CAMK1D: variants seen among roughly 807,000 people sequenced by gnomAD.
The protein encoded by CAMK1D is calcium/calmodulin dependent protein kinase ID, also known as calcium/calmodulin-dependent protein kinase type 1D.
Under a neutral mutation model 47.7 loss-of-function variants are expected in CAMK1D, and 9 were observed. The ratio of observed to expected loss-of-function variants is 0.19; its 90% confidence interval spans 0.11 to 0.33. CAMK1D has a LOEUF of 0.33. CAMK1D is among the 10% of genes least tolerant of loss of function. CAMK1D has a pLI of 1.00. For synonymous variants in CAMK1D, 184 were observed against 184.9 expected, an observed-to-expected ratio of 0.99 and a Z score of 0.04; for missense variants, 291 against 488.7, an observed-to-expected ratio of 0.60 and a Z score of 3.81.
intron 2 of CAMK1D, among the ~76,000 whole-genome samples, chr10:12,571,837 A>T (rs998691536): frequency 2.0e-5 from 3 of 152,206 alleles, no homozygotes; most frequent in South Asian, 4.1e-4. Flanking sequence ...TAGGGGCATC[A>T]AATTGTACTA....
intron 2 of CAMK1D, among the ~76,000 whole-genome samples, chr10:12,634,014 G>T (rs1839449109): frequency 1.3e-5 from 2 of 152,298 alleles, no homozygotes; most frequent in African/African-American, 4.8e-5. Flanking sequence ...TTAGTCAGAG[G>T]GATCACCTGA....
chr10:12,373,832 T>C (rs1189008752), intron 1 of CAMK1D, among the ~76,000 whole-genome samples: 11 of 151,390 alleles, frequency 7.3e-5, no homozygotes, highest in Non-Finnish European at 1.2e-4. Context: ...CCCAGCCCTT[T>C]GGGAGGCCGA....
intron 3 of CAMK1D, among the ~76,000 whole-genome samples, chr10:12,752,383 T>C (rs891218749): frequency 8.5e-5 from 13 of 152,204 alleles, no homozygotes; most frequent in Non-Finnish European, 4.4e-5. Context: ...AGAACAAATA[T>C]AAATACTAAA....
chr10:12,780,699 A>C (rs947540414), intron 5 of CAMK1D, among the ~76,000 whole-genome samples: 1 of 152,132 alleles, frequency 6.6e-6, no homozygotes, highest in African/African-American at 2.4e-5. Context: ...CTTAAATACC[A>C]TATTTTGGTC....
At chr10:12,703,146 C>T (rs1029878192) in intron 3 of CAMK1D, among the ~76,000 whole-genome samples, 11 of 152,126 alleles carry the variant, frequency 7.2e-5, no homozygotes, top group African/African-American at 2.4e-4. Flanking sequence ...CAAATACACC[C>T]GGGATTTTTC....
intron 3 of CAMK1D, among the ~76,000 whole-genome samples, chr10:12,731,249 C>T (rs1041544321): frequency 3.3e-5 from 5 of 152,068 alleles, no homozygotes; most frequent in African/African-American, 1.2e-4. Flanking sequence ...AAGGATCGTG[C>T]GTCCTCTATG....
At chr10:12,433,120 G>A (rs1032397953) in intron 1 of CAMK1D, among the ~76,000 whole-genome samples, 5 of 152,136 alleles carry the variant, frequency 3.3e-5, no homozygotes, top group African/African-American at 7.2e-5. Context: ...CCAGGTGCTC[G>A]GTCAGGTTTC....
intron 5 of CAMK1D, 109 bp downstream of exon 5, chr10:12,769,908 G>C (rs1317634668): frequency 8.0e-7 from 1 of 1,247,222 alleles, no homozygotes; most frequent in African/African-American, 1.5e-5. Context: ...AGCTTGGCAT[G>C]TAATCACAGC....
chr10:12,655,646 C>G (rs995566816), intron 2 of CAMK1D, among the ~76,000 whole-genome samples: 18 of 152,200 alleles, frequency 1.2e-4, no homozygotes, highest in Non-Finnish European at 2.4e-4. Context: ...CTGGATTTTT[C>G]ACACTGAACT....
chr10:12,725,665 G>A (rs916157617), intron 3 of CAMK1D, among the ~76,000 whole-genome samples: 3 of 152,136 alleles, frequency 2.0e-5, no homozygotes, highest in Non-Finnish European at 4.4e-5. Context: ...ATCATGAGGC[G>A]TGTCTACACC....
At chr10:12,769,867 G>T (rs187224884) in intron 5 of CAMK1D, 68 bp downstream of exon 5, 21 of 1,555,364 alleles carry the variant, frequency 1.4e-5, no homozygotes, top group Non-Finnish European at 1.8e-5. Flanking sequence ...GTGTCACCAC[G>T]TGTCAACTCA....
intron 1 of CAMK1D, among the ~76,000 whole-genome samples, chr10:12,466,251 CA>C (rs1317006757): frequency 1.3e-5 from 2 of 151,808 alleles, no homozygotes; most frequent in African/African-American, 2.4e-5. Context: ...ACTAAAAATA[CA>C]AAAAAATTAG....
At chr10:12,723,169 A>G (rs1834471618) in intron 3 of CAMK1D, among the ~76,000 whole-genome samples, 1 of 152,196 alleles carries the variant, frequency 6.6e-6, no homozygotes. Context: ...ATTGAGTCAC[A>G]CTTAATTAAT....
chr10:12,827,652 T>TCTCCC (rs1833305012), intron 10 of CAMK1D, among the ~76,000 whole-genome samples: 1 of 9,984 alleles, frequency 1.0e-4, no homozygotes, highest in South Asian at 7.8e-3. Context: ...TCCCCTCTCC[T>TCTCCC]CTCTCCTCTC....
chr10:12,613,180 C>G (rs563054075), intron 2 of CAMK1D, among the ~76,000 whole-genome samples: 1 of 152,262 alleles, frequency 6.6e-6, no homozygotes, highest in Non-Finnish European at 1.5e-5. Context: ...CTCCAGGAAA[C>G]TTTTAAAAAA....
At chr10:12,704,374 G>A (rs1833649784) in intron 3 of CAMK1D, among the ~76,000 whole-genome samples, 1 of 152,076 alleles carries the variant, frequency 6.6e-6, no homozygotes, top group African/African-American at 2.4e-5. Context: ...TAGTTTTGTA[G>A]GAGACATAGA....
At chr10:12,756,750 C>T (rs533042857) in intron 3 of CAMK1D, among the ~76,000 whole-genome samples, 1 of 152,226 alleles carries the variant, frequency 6.6e-6, no homozygotes, top group African/African-American at 2.4e-5. Flanking sequence ...CACGGTGAAA[C>T]CCCGTCTCTA....
chr10:12,473,785 G>A (rs1042197950), intron 1 of CAMK1D, among the ~76,000 whole-genome samples: 1 of 152,160 alleles, frequency 6.6e-6, no homozygotes, highest in African/African-American at 2.4e-5. Context: ...TTAAGTAACA[G>A]GGAAAAGGAT....
chr10:12,513,697 A>G (rs1165568701), intron 1 of CAMK1D, among the ~76,000 whole-genome samples: 3 of 152,088 alleles, frequency 2.0e-5, no homozygotes, highest in Admixed American at 2.0e-4. Flanking sequence ...GCTACTCGGG[A>G]GGCTGAGGTG....
Sources: gnomAD v4.1 joint callset for allele counts (sites outside exome capture counted in the v4.1 genomes callset) on GRCh38, gnomAD v4.1.1 for gene constraint, MANE v1.5 for transcripts, NCBI Gene and HGNC (gene_info 2026-07-23, HGNC 2026-07-21) for gene names.